Variants in NOSIP observed in about 807,000 individuals in gnomAD.
The protein encoded by NOSIP is nitric oxide synthase-interacting protein.
NOSIP carries 25 observed loss-of-function variants against 36.4 expected under a neutral mutation model. The ratio of observed to expected loss-of-function variants is 0.69; its 90% CI spans 0.50 to 0.96. The LOEUF (loss-of-function observed/expected upper bound fraction) is 0.96, where lower values mean the gene tolerates loss of function less well. NOSIP is among the 40% of genes least tolerant of loss of function. The probability of loss-of-function intolerance (pLI) is 0.00; values close to 1 mark genes in which losing one functional copy is unlikely to be tolerated. For synonymous variants in NOSIP, 187 were observed against 179.2 expected (o/e 1.04, Z -0.35); for missense variants, 370 against 429.0 (o/e 0.86, Z 1.21).
At chr19:49,567,047 C>T (rs2080418796) in intron 1 of NOSIP, among the ~76,000 whole-genome samples, 1 of 151,628 alleles carries the variant, frequency 6.6e-6, no homozygotes, top group Non-Finnish European at 1.5e-5. Context: ...AACTCCTGAC[C>T]TCAGGTGGTC....
chr19:49,574,114 G>A (rs1014803595), intron 1 of NOSIP, among the ~76,000 whole-genome samples: 1 of 152,034 alleles, frequency 6.6e-6, no homozygotes, highest in East Asian at 1.9e-4. Context: ...CTACTACCTC[G>A]GCCTCCCAAA....
rs75150263 is a variant in NOSIP, at chr19:49,559,597, G to C, written c.176+337C>G. 807 of 288,330 alleles carry C rather than the reference G, an allele frequency of 2.8e-3. 8 individuals carry two copies. The highest frequency in any genetic ancestry group is 8.4e-3 in the Admixed American group (173 of 20,664). 17.9% of individuals were successfully genotyped at this position (288,330 alleles called of 1,614,324 possible). A position where few individuals can be genotyped will look rare whatever the true frequency, so the allele number is the denominator to read the frequency against. ...ACAAAATATACCACTAATTGAGCAC[G>C]TATTTAGTGCCTGGACTCAGCACCT... On this transcript the variant is annotated intron_variant, in intron 3 of 8. Transcript: ENST00000596358.
At chr19:49,574,077 G>C (rs1256682667) in intron 1 of NOSIP, among the ~76,000 whole-genome samples, 2 of 151,816 alleles carry the variant, frequency 1.3e-5, no homozygotes. Context: ...GGCCAGGCTG[G>C]GTCTTGAACT....
At chr19:49,576,927 G>A (rs1261331184) in intron 1 of NOSIP, among the ~76,000 whole-genome samples, 1 of 150,274 alleles carries the variant, frequency 6.7e-6, no homozygotes, top group Non-Finnish European at 1.5e-5. Context: ...ATCTGATAAG[G>A]GAATTGCAGT....
chr19:49,563,556 C>T (rs1476148316), intron 1 of NOSIP, among the ~76,000 whole-genome samples: 5 of 151,372 alleles, frequency 3.3e-5, no homozygotes, highest in East Asian at 3.9e-4. Flanking sequence ...TGCAATGGCA[C>T]GATCTCAGCT....
chr19:49,557,725 A>C (rs935901907), intron 4 of NOSIP: 3 of 993,636 alleles, frequency 3.0e-6, no homozygotes, highest in Non-Finnish European at 3.6e-6. Flanking sequence ...TGAGGAGCCC[A>C]TGTCTATGGA....
In NOSIP at chr19:49,562,224, C is replaced by T. The variant is rs12982495; in HGVS notation, c.-1-1532G>A. ...GAAACCTCTGCCTCCCAAGTTAAAGCGATTCTCCTGCCTCAGCTTCCCAAA... is the reference window on the plus strand; with the variant it reads ...GAAACCTCTGCCTCCCAAGTTAAAGTGATTCTCCTGCCTCAGCTTCCCAAA... On this transcript the variant is annotated intron_variant, in intron 1 of 8. Coordinates refer to ENST00000596358, the MANE Select transcript of NOSIP (RefSeq NM_001270960.2). Among the ~76,000 whole-genome samples the T allele has an allele frequency of 2.9e-3, 438 of 152,250 alleles. 2 individuals carry two copies. The highest frequency in any genetic ancestry group is 4.8e-3 in the Non-Finnish European group (329 of 68,016).
Position 49,559,944 on chromosome 19 carries a change from G to C in NOSIP, c.166C>G (p.Pro56Ala). The change falls in exon 3 of 9, where the codon CCT (proline) becomes GCT (alanine). Residue 56 changes from proline (P) to alanine (A), a missense_variant. This residue lies in a region of NOSIP where 315 missense variants were observed against 331.9 expected (regional missense o/e 0.95). Transcript: ENST00000596358. The part of the protein sequence containing the change: ...CCLSLQPCHD[P>A]VVTPDGYLYE... ...CTGTTCCCAGCTCACGTGACAACAG[G>C]ATCGTGGCAAGGCTGCAGGGAGAGA... 6.2e-7 allele frequency: 1 copy of C among 1,612,542 alleles called. No individual in the cohort carries two copies. Among genetic ancestry groups the C allele is most frequent in the Non-Finnish European group, 8.5e-7 (1 of 1,178,890 alleles).
chr19:49,566,491 G>A (rs2080409952), intron 1 of NOSIP, among the ~76,000 whole-genome samples: 1 of 151,310 alleles, frequency 6.6e-6, no homozygotes, highest in Non-Finnish European at 1.5e-5. Flanking sequence ...TATCCAGGCA[G>A]GGTCTTGCTA....
intron 1 of NOSIP, among the ~76,000 whole-genome samples, chr19:49,568,487 T>C (rs77080188): frequency 0.018 from 2,702 of 152,334 alleles, 36 homozygotes; most frequent in Middle Eastern, 0.071. Flanking sequence ...TCACCTTGGA[T>C]GCACATAAGC....
Position 49,556,550 on chromosome 19 carries a change from A to G in NOSIP, c.724T>C (p.Ser242Pro). The change falls in exon 7 of 9, where the codon TCT (serine) becomes CCT (proline). Residue 242 changes from serine to proline, a missense_variant and splice_region_variant. This residue lies in a region of NOSIP where 315 missense variants were observed against 331.9 expected (regional missense o/e 0.95). Coordinates refer to ENST00000596358, the MANE Select transcript of NOSIP (RefSeq NM_001270960.2). ...TCCCTCCCCTCCCAGGTGACTCACG[A>G]GGGCCGCAGCACAGCGCAGGGGGTG... Reference protein sequence around the residue: ...NATPCAVLRPSGAVVTLECVE... With the variant: ...NATPCAVLRPPGAVVTLECVE... 1 of 1,603,574 alleles carries G rather than the reference A, an allele frequency of 6.2e-7. No individual in the cohort carries two copies. Among genetic ancestry groups the G allele is most frequent in the South Asian group, 1.1e-5 (1 of 90,978 alleles).
rs770835468 is a variant in NOSIP at position 49,555,807 on chromosome 19, C to T, written c.850G>A (p.Ala284Thr). 1 of 1,613,312 alleles carries T rather than the reference C, an allele frequency of 6.2e-7. No individual in the cohort carries two copies. Among genetic ancestry groups the T allele is most frequent in the Non-Finnish European group, 8.5e-7 (1 of 1,179,800 alleles). ...IVLQRGGTGF[A>T]GSGVKLQAEK... ...GCTTGCAGCTTCACTCCGGAGCCCG[C>T]GAAGCCGGTACCGCCCTGGGGGAGG... The change falls in exon 9 of 9, where the codon GCG becomes ACG. Residue 284 changes from alanine (A) to threonine (T), a missense_variant. By Grantham distance (58) the Ala-to-Thr change is moderately conservative. Coordinates refer to ENST00000596358, the MANE Select transcript of NOSIP (RefSeq NM_001270960.2).
chr19:49,559,086 A>G, intron 3 of NOSIP, 108 bp from the exon 4 acceptor site: 1 of 848,060 alleles, frequency 1.2e-6, no homozygotes, highest in South Asian at 1.4e-5. Flanking sequence ...CCCAAGTTCA[A>G]TTATTTGCTA....
chr19:49,560,308 TCTGA>T lies in NOSIP; in HGVS notation c.71-273_71-270del, dbSNP rs1462956890. Reference sequence around the variant, plus strand: ...CTGACGGCTGACTCCCCTCCACCCTTCTGACTGTGACCAAGCTCAAGTGCCTGTC... The same window carrying T: ...CTGACGGCTGACTCCCCTCCACCCTTCTGTGACCAAGCTCAAGTGCCTGTC... On this transcript the variant is annotated intron_variant, in intron 2 of 8. Coordinates refer to ENST00000596358, the MANE Select transcript of NOSIP (RefSeq NM_001270960.2). The surrounding 1 kb of genome is among the most constrained non-coding windows in gnomAD (Gnocchi z 4.6). 2 of 575,970 alleles carry T rather than the reference TCTGA, an allele frequency of 3.5e-6. No homozygotes were observed. The highest frequency in any genetic ancestry group is 1.9e-5 in the African/African-American group (1 of 53,294). The allele number at this position is 575,970 out of a possible 1,614,324, so 35.7% of individuals were successfully genotyped here. A position where few individuals can be genotyped will look rare whatever the true frequency, so the allele number is the denominator to read the frequency against.
rs772418014 is a variant in NOSIP, at chr19:49,556,508, G to T, written c.725+41C>A. Reference sequence around the variant, plus strand: ...GCCCCAAAGCCGGACCGCCCCGCAGGTTCCCGAGTGGTCCCTTCCCTCCCC... The same window carrying T: ...GCCCCAAAGCCGGACCGCCCCGCAGTTTCCCGAGTGGTCCCTTCCCTCCCC... On this transcript the variant is annotated intron_variant, in intron 7 of 8. Transcript: ENST00000596358. The T allele has an allele frequency of 3.7e-5, 59 of 1,606,636 alleles. No homozygotes were observed. The South Asian group carries it at 6.2e-4, about 17-fold the overall frequency.
rs570285071 is a variant in NOSIP, at chr19:49,577,640, C to T, written c.-2+2875G>A. 8.6e-5 allele frequency among the ~76,000 whole-genome samples: 13 copies of T among 151,878 alleles called. No individual in the cohort carries two copies. The South Asian group carries it at 1.9e-3, about 22-fold the overall frequency. ...CTGGCTGGGCGCCGATGGCTCACAC[C>T]TGTAATCCCAGTACTTTGGGAGGCC... On this transcript the variant is annotated intron_variant, in intron 1 of 8. Transcript: ENST00000596358.
chr19:49,556,978 C>T lies in NOSIP; in HGVS notation c.434G>A (p.Gly145Glu). The T allele has an allele frequency of 6.2e-7, 1 of 1,609,602 alleles. No homozygotes were observed. Among genetic ancestry groups the T allele is most frequent in the African/African-American group, 1.3e-5 (1 of 74,974 alleles). The change falls in exon 6 of 9, where the codon GGG (glycine) becomes GAG (glutamate). Residue 145 changes from glycine (G) to glutamate (E), a missense_variant. Physicochemically the swap from Gly to Glu is moderately conservative, Grantham distance 98 (BLOSUM62 -2). Coordinates refer to ENST00000596358, the MANE Select transcript of NOSIP (RefSeq NM_001270960.2). ...SGTSPDDVQP[G>E]PSVGPPSKDK... ...CTTACTTGGAGGACCCACACTGGGCCCAGGTTGGACATCATCTGTGGGGGA... is the reference window on the plus strand; with the variant it reads ...CTTACTTGGAGGACCCACACTGGGCTCAGGTTGGACATCATCTGTGGGGGA...
chr19:49,565,964 T>TCTAGCACG (rs2080402198), intron 1 of NOSIP, among the ~76,000 whole-genome samples: 1 of 152,242 alleles, frequency 6.6e-6, no homozygotes, highest in African/African-American at 2.4e-5. Context: ...GTACCCAATG[T>TCTAGCACG]CTAGCACGTG....
rs186237221 is a variant in NOSIP at position 49,556,465 on chromosome 19, C to T, written c.726-40G>A. On this transcript the variant is annotated intron_variant, in intron 7 of 8. Transcript: ENST00000596358. ...AAGGCGGGAGACTCTGATCAGGGGCCTTCCTGGGGACCTACTGGCCCCAAA... is the reference window on the plus strand; with the variant it reads ...AAGGCGGGAGACTCTGATCAGGGGCTTTCCTGGGGACCTACTGGCCCCAAA... 4.1e-4 allele frequency: 661 copies of T among 1,609,276 alleles called. 7 individuals carry two copies. In the East Asian group the frequency reaches 0.014, roughly 33 times the overall value.
Sources: gnomAD v4.1 joint callset for allele counts (sites outside exome capture counted in the v4.1 genomes callset) on GRCh38, gnomAD v4.1.1 for gene constraint, gnomAD v4.1.1 regional missense constraint, Gnocchi (gnomAD v3.1) non-coding constraint, MANE v1.5 for transcripts, NCBI Gene and HGNC (gene_info 2026-07-23, HGNC 2026-07-21) for gene names.